Variants in KIF6 observed in about 807,000 individuals in gnomAD.
KIF6 encodes the protein kinesin family member 6, also known as kinesin-like protein KIF6.
Under a neutral mutation model 112.7 loss-of-function variants are expected in KIF6, and 106 were observed. The observed-to-expected ratio is 0.94, with a 90% CI of 0.80 to 1.11. KIF6 has a LOEUF of 1.11. Ranked by LOEUF, KIF6 falls within the 50% of genes least tolerant of loss-of-function variation. KIF6 has a pLI of 0.00. For missense variants in KIF6, 929 were observed against 964.0 expected, an observed-to-expected ratio of 0.96 and a Z score of 0.48; for synonymous variants, 339 against 339.9, an observed-to-expected ratio of 1.00 and a Z score of 0.03.
chr6:39,566,040 T>A (rs1780256792), intron 10 of KIF6, among the ~76,000 whole-genome samples: 1 of 152,168 alleles, frequency 6.6e-6, no homozygotes, highest in African/African-American at 2.4e-5. Context: ...GGATTCCACA[T>A]CTCGATGTTG....
At chr6:39,362,899 A>T (rs1386685257) in intron 16 of KIF6, among the ~76,000 whole-genome samples, 2 of 152,318 alleles carry the variant, frequency 1.3e-5, no homozygotes, top group Non-Finnish European at 2.9e-5. Context: ...TTGTAATCCC[A>T]GCACTTTGGG....
At chr6:39,606,156 CTCT>C (rs368163104) in intron 6 of KIF6, among the ~76,000 whole-genome samples, 2 of 151,196 alleles carry the variant, frequency 1.3e-5, no homozygotes, top group Non-Finnish European at 3.0e-5. Flanking sequence ...TCTTCTCTTC[CTCT>C]TCTTCTTCTT....
rs190014653 is a variant in KIF6 at position 39,547,057 on chromosome 6, G to A, written c.1182-1369C>T. On this transcript the variant is annotated intron_variant, in intron 10 of 22. Coordinates refer to ENST00000287152, the MANE Select transcript of KIF6 (RefSeq NM_145027.6). ...CTCTTAATAAGGAAGGTTTAAGGATGACAATCAGTATCTATGATGTTATGT... is the reference window on the plus strand; with the variant it reads ...CTCTTAATAAGGAAGGTTTAAGGATAACAATCAGTATCTATGATGTTATGT... Among the ~76,000 whole-genome samples, 3 of 152,268 alleles carry A rather than the reference G, an allele frequency of 2.0e-5. No homozygotes were observed. In the East Asian group the frequency reaches 5.8e-4, roughly 29 times the overall value.
intron 13 of KIF6, among the ~76,000 whole-genome samples, chr6:39,454,674 G>A (rs1038417534): frequency 9.2e-5 from 14 of 152,282 alleles, no homozygotes; most frequent in Admixed American, 7.2e-4. Context: ...CACCGTGCGC[G>A]AGCCGAAGCA....
intron 13 of KIF6, among the ~76,000 whole-genome samples, chr6:39,502,261 A>G (rs1450658382): frequency 6.6e-6 from 1 of 152,178 alleles, no homozygotes; most frequent in African/African-American, 2.4e-5. Flanking sequence ...AAGGAGAAAT[A>G]AGATCCTTTT....
intron 9 of KIF6, among the ~76,000 whole-genome samples, chr6:39,581,166 T>C (rs992477859): frequency 7.6e-5 from 11 of 145,080 alleles, no homozygotes; most frequent in Non-Finnish European, 1.2e-4. Flanking sequence ...ACTTTCTTTT[T>C]TTTTTTTTTT....
chr6:39,641,702 A>C (rs1784910725), intron 3 of KIF6, among the ~76,000 whole-genome samples: 1 of 152,062 alleles, frequency 6.6e-6, no homozygotes, highest in Non-Finnish European at 1.5e-5. Flanking sequence ...ACTACAGAGC[A>C]CAAATTAATA....
intron 10 of KIF6, among the ~76,000 whole-genome samples, chr6:39,556,322 A>G (rs80186861): frequency 3.3e-4 from 50 of 152,280 alleles, no homozygotes; most frequent in African/African-American, 1.2e-3. Context: ...GGAGTCAGTG[A>G]GCAGGAGATC....
At chr6:39,533,212 G>A (rs150116044) in intron 13 of KIF6, among the ~76,000 whole-genome samples, 2,755 of 152,342 alleles carry the variant, frequency 0.018, 67 homozygotes, top group Admixed American at 0.06. Flanking sequence ...GCAAGGCATT[G>A]CCTCACTCGG....
chr6:39,578,157 C>T lies in KIF6; in HGVS notation c.1080G>A (p.Val360=), dbSNP rs780790388. The stretch of plus-strand genomic sequence containing the variant: ...GGATTTCCTTTTGTAGGCGTTTAAT[C>T]ACCTACAAATGGCAAAGAGGCAGAG... The part of the protein sequence containing the change: ...VLNEEINPRL[V]IKRLQKEIQE... Residue 360 remains valine, a splice_region_variant and synonymous_variant, in exon 10 of 23, where the codon GTG becomes GTA. Coordinates refer to ENST00000287152, the MANE Select transcript of KIF6 (RefSeq NM_145027.6). The T allele has an allele frequency of 6.2e-7, 1 of 1,606,448 alleles. No individual in the cohort carries two copies. Among genetic ancestry groups the T allele is most frequent in the Non-Finnish European group, 8.5e-7 (1 of 1,173,092 alleles).
intron 3 of KIF6, among the ~76,000 whole-genome samples, chr6:39,684,539 C>T (rs114371429): frequency 0.037 from 5,643 of 151,490 alleles, 139 homozygotes; most frequent in Non-Finnish European, 0.058. Context: ...CACTTTGAAC[C>T]CGGGAGGCGG....
intron 19 of KIF6, among the ~76,000 whole-genome samples, chr6:39,347,392 ACCTAG>A (rs1763887207): frequency 3.3e-5 from 5 of 152,226 alleles, no homozygotes; most frequent in Admixed American, 1.3e-4. Context: ...GTGCCTGCTC[ACCTAG>A]GCTGCTGACA....
At chr6:39,485,188 C>G (rs1465521933) in intron 13 of KIF6, among the ~76,000 whole-genome samples, 1 of 152,144 alleles carries the variant, frequency 6.6e-6, no homozygotes, top group Non-Finnish European at 1.5e-5. Flanking sequence ...CTGGTGCAAT[C>G]TACACATAAC....
At chr6:39,432,903 T>C (rs1771260089) in intron 13 of KIF6, among the ~76,000 whole-genome samples, 1 of 150,846 alleles carries the variant, frequency 6.6e-6, no homozygotes, top group South Asian at 2.1e-4. Flanking sequence ...GGAGCCTGCT[T>C]GGGGGATCTC....
rs114234931 is a variant in KIF6 at position 39,585,346 on chromosome 6, G to A, written c.991-362C>T. Among the ~76,000 whole-genome samples the A allele has an allele frequency of 2.0e-3, 302 of 152,254 alleles. 2 individuals are homozygous for A. Among genetic ancestry groups the A allele is most frequent in the Admixed American group, 5.6e-3 (85 of 15,290 alleles). ...TTCACAATTGGGTTCACGCTCTTAT[G>A]AGAATCTAATGGCACCACTGATTTG... On this transcript the variant is annotated intron_variant, in intron 8 of 22. Transcript: ENST00000287152.
chr6:39,535,566 G>A (rs1480123553), intron 13 of KIF6, among the ~76,000 whole-genome samples: 1 of 152,200 alleles, frequency 6.6e-6, no homozygotes, highest in Non-Finnish European at 1.5e-5. Context: ...CATAAAGCAA[G>A]TCCTGAGTGA....
intron 13 of KIF6, among the ~76,000 whole-genome samples, chr6:39,444,232 C>T (rs1186205795): frequency 6.6e-6 from 1 of 152,110 alleles, no homozygotes; most frequent in Non-Finnish European, 1.5e-5. Context: ...CTCCAAAACC[C>T]ACCTTTCTTT....
intron 6 of KIF6, among the ~76,000 whole-genome samples, chr6:39,602,476 C>T (rs1782632425): frequency 6.6e-6 from 1 of 152,146 alleles, no homozygotes; most frequent in African/African-American, 2.4e-5. Context: ...TCCTTGAGGA[C>T]AGGGACTGTG....
chr6:39,538,308 A>T (rs1222554087), intron 13 of KIF6, among the ~76,000 whole-genome samples: 1 of 151,794 alleles, frequency 6.6e-6, no homozygotes, highest in Non-Finnish European at 1.5e-5. Context: ...AATTTTCGCA[A>T]CCTACTCATC....
Sources: allele counts gnomAD v4.1 joint callset (sites outside exome capture counted in the v4.1 genomes callset), GRCh38; gene constraint gnomAD v4.1.1; transcripts MANE v1.5; gene names NCBI Gene and HGNC (gene_info 2026-07-23, HGNC 2026-07-21).